VPS8: variants seen among roughly 807,000 people sequenced by gnomAD.
VPS8 encodes VPS8 subunit of CORVET complex.
A neutral mutation model predicts 216.4 loss-of-function variants in VPS8; 129 were observed. The ratio of observed to expected loss-of-function variants is 0.60; its 90% CI spans 0.52 to 0.69. The LOEUF (loss-of-function observed/expected upper bound fraction) is 0.69, where lower values mean the gene tolerates loss of function less well. Ranked by LOEUF, VPS8 falls within the 30% of genes least tolerant of loss-of-function variation. The probability of loss-of-function intolerance (pLI) is 0.00; values close to 1 mark genes in which losing one functional copy is unlikely to be tolerated. For missense variants in VPS8, 1,531 were observed against 1,683.5 expected (o/e 0.91, Z 1.59); for synonymous variants, 571 against 565.4 (o/e 1.01, Z -0.14).
intron 36 of VPS8, among the ~76,000 whole-genome samples, chr3:184,947,800 T>C (rs575345042): frequency 1.3e-5 from 2 of 152,166 alleles, no homozygotes; most frequent in Non-Finnish European, 2.9e-5. Context: ...TTCAGTGAAC[T>C]TTTTTCCATA....
intron 45 of VPS8, among the ~76,000 whole-genome samples, chr3:185,018,277 GACTCC>G (rs1756112208): frequency 6.6e-6 from 1 of 152,204 alleles, no homozygotes; most frequent in African/African-American, 2.4e-5. Flanking sequence ...CTTTTTAAGA[GACTCC>G]TGTAACCGAG....
intron 39 of VPS8, among the ~76,000 whole-genome samples, chr3:184,969,234 C>T (rs1225001654): frequency 6.6e-6 from 1 of 151,852 alleles, no homozygotes; most frequent in Admixed American, 6.6e-5. Context: ...TCTCCTGCCT[C>T]AGCCTCCCGA....
At chr3:184,912,252 C>T (rs1449134679) in intron 25 of VPS8, among the ~76,000 whole-genome samples, 1 of 152,118 alleles carries the variant, frequency 6.6e-6, no homozygotes, top group Non-Finnish European at 1.5e-5. Flanking sequence ...CTAACTCGCT[C>T]AGGTACAACA....
chr3:184,825,171 A>G (rs1311221311), intron 2 of VPS8: 1 of 209,872 alleles, frequency 4.8e-6, no homozygotes, highest in African/African-American at 2.3e-5. Flanking sequence ...CCACGTGTAT[A>G]GTTTTATGAG....
At chr3:184,818,077 C>T (rs759650387) in intron 1 of VPS8, among the ~76,000 whole-genome samples, 1 of 152,030 alleles carries the variant, frequency 6.6e-6, no homozygotes, top group Non-Finnish European at 1.5e-5. Context: ...CTTGAGCAGA[C>T]ATGAAGGGAA....
At chr3:185,027,564 C>A (rs1335674425) in intron 46 of VPS8, among the ~76,000 whole-genome samples, 1 of 152,092 alleles carries the variant, frequency 6.6e-6, no homozygotes, top group Non-Finnish European at 1.5e-5. Context: ...ATGGCAGAAA[C>A]CTCCATGAAG....
At chr3:184,958,104 A>G (rs1315164427) in intron 37 of VPS8, among the ~76,000 whole-genome samples, 2 of 152,338 alleles carry the variant, frequency 1.3e-5, no homozygotes, top group South Asian at 4.2e-4. Context: ...TTACTTTTAG[A>G]AAGTTTCACA....
At chr3:184,974,180 C>T (rs1268984622) in intron 40 of VPS8, among the ~76,000 whole-genome samples, 1 of 152,112 alleles carries the variant, frequency 6.6e-6, no homozygotes, top group Non-Finnish European at 1.5e-5. Flanking sequence ...ATGTACAAGG[C>T]TTTCCTTTTC....
intron 42 of VPS8, among the ~76,000 whole-genome samples, chr3:184,988,367 C>G (rs531580784): frequency 6.6e-6 from 1 of 152,240 alleles, no homozygotes; most frequent in Non-Finnish European, 1.5e-5. Context: ...AGTGTTGATT[C>G]ATTTTTCTGC....
At chr3:184,955,527 G>A (rs1032928228) in intron 36 of VPS8, among the ~76,000 whole-genome samples, 9 of 151,416 alleles carry the variant, frequency 5.9e-5, no homozygotes, top group South Asian at 2.1e-4. Context: ...ATATCAGCAC[G>A]CCCAGTCGTT....
At chr3:184,845,614 G>A (rs1052163659) in intron 8 of VPS8, among the ~76,000 whole-genome samples, 8 of 152,122 alleles carry the variant, frequency 5.3e-5, no homozygotes, top group African/African-American at 1.7e-4. Context: ...AATTAGCTGG[G>A]CATGTTGATG....
At position 184,826,146 on chromosome 3, in the gene VPS8, T is replaced by A. The variant is rs1718726401; in HGVS notation, c.154-17T>A. The A allele has an allele frequency of 6.3e-7, 1 of 1,590,882 alleles. No homozygotes were observed. The highest frequency in any genetic ancestry group is 8.6e-7 in the Non-Finnish European group (1 of 1,166,672). On this transcript the variant is annotated splice_polypyrimidine_tract_variant and intron_variant, in intron 2 of 47. Transcript: ENST00000625842. ...AAAGGCATCATTTTGTGAGCACTAT[T>A]TTTTTTCTTTATTTAGATTGATGAC...
At chr3:184,860,259 A>G (rs1726030283) in intron 15 of VPS8, among the ~76,000 whole-genome samples, 194 bp downstream of exon 15, 1 of 151,974 alleles carries the variant, frequency 6.6e-6, no homozygotes, top group Non-Finnish European at 1.5e-5. Context: ...GCTTAAGCCC[A>G]GGAGTTCGAG....
At chr3:184,826,718 GAT>G (rs1487491416) in intron 3 of VPS8, among the ~76,000 whole-genome samples, 2 of 152,200 alleles carry the variant, frequency 1.3e-5, no homozygotes, top group African/African-American at 4.8e-5. Context: ...CTCTACCACT[GAT>G]ATTCAAATAG....
intron 46 of VPS8, among the ~76,000 whole-genome samples, chr3:185,034,035 G>T (rs1303038637): frequency 6.6e-6 from 1 of 152,138 alleles, no homozygotes; most frequent in Non-Finnish European, 1.5e-5. Context: ...CCCAGGTAGT[G>T]AGCATAGTAC....
intron 32 of VPS8, 42 bp from the exon 33 acceptor site, chr3:184,929,538 C>G: frequency 3.3e-6 from 4 of 1,204,630 alleles, no homozygotes; most frequent in South Asian, 2.7e-5. Context: ...TCTCAAAAAC[C>G]TCCCTGTTTG....
chr3:184,836,748 C>T (rs553138177), intron 5 of VPS8, among the ~76,000 whole-genome samples: 1 of 152,202 alleles, frequency 6.6e-6, no homozygotes, highest in South Asian at 2.1e-4. Context: ...CTCAATAGTG[C>T]CTTCAGCCAT....
intron 2 of VPS8, chr3:184,825,111 C>G: frequency 3.9e-6 from 1 of 255,690 alleles, no homozygotes; most frequent in Non-Finnish European, 7.9e-6. Flanking sequence ...GCCATGTTGC[C>G]CAGGCTGGTC....
At position 184,877,055 on chromosome 3, in the gene VPS8, G is replaced by C. The variant is rs180700938; in HGVS notation, c.1734+6250G>C. Among the ~76,000 whole-genome samples, 107 of 152,240 alleles carry C rather than the reference G, an allele frequency of 7.0e-4. 1 individual carries two copies. Among genetic ancestry groups the C allele is most frequent in the African/African-American group, 2.5e-3 (103 of 41,546 alleles). On this transcript the variant is annotated intron_variant, in intron 21 of 47. Coordinates refer to ENST00000625842, the MANE Select transcript of VPS8 (RefSeq NM_001009921.3). ...AATTCTCTGTATTGCTGTTATACTA[G>C]AGTTCTTTCCAGTGTCTTAACATCC...
Sources: allele counts gnomAD v4.1 joint callset (sites outside exome capture counted in the v4.1 genomes callset), GRCh38; gene constraint gnomAD v4.1.1; transcripts MANE v1.5; gene names NCBI Gene and HGNC (gene_info 2026-07-23, HGNC 2026-07-21).